Variants in PRKCE observed in about 807,000 individuals in gnomAD.
The protein encoded by PRKCE is protein kinase C epsilon.
In PRKCE, 16 loss-of-function variants were observed where a neutral mutation model predicts 85.4. The ratio of observed to expected loss-of-function variants is 0.19; its 90% CI spans 0.13 to 0.28. The LOEUF (loss-of-function observed/expected upper bound fraction) is 0.28. Ranked by LOEUF, PRKCE falls within the 10% of genes least tolerant of loss-of-function variation. PRKCE has a pLI of 1.00. For synonymous variants in PRKCE, 388 were observed against 371.5 expected, an observed-to-expected ratio of 1.04 and a Z score of -0.51; for missense variants, 573 against 975.2, an observed-to-expected ratio of 0.59 and a Z score of 5.49.
At chr2:46,122,655 GAAT>G (rs1673423143) in intron 11 of PRKCE, among the ~76,000 whole-genome samples, 1 of 152,124 alleles carries the variant, frequency 6.6e-6, no homozygotes, top group African/African-American at 2.4e-5. Context: ...CTTTTATGAA[GAAT>G]AATAATTATT....
At chr2:45,885,700 C>T (rs977483428) in intron 2 of PRKCE, among the ~76,000 whole-genome samples, 3 of 152,120 alleles carry the variant, frequency 2.0e-5, no homozygotes, top group African/African-American at 7.2e-5. Context: ...AACACTTCAT[C>T]CTAAAGTGAA....
At chr2:46,056,645 A>G (rs1468827655) in intron 10 of PRKCE, among the ~76,000 whole-genome samples, 1 of 152,186 alleles carries the variant, frequency 6.6e-6, no homozygotes, top group Non-Finnish European at 1.5e-5. Context: ...CTGCCTCATG[A>G]GTAATTATTT....
At chr2:45,894,854 T>C (rs541473185) in intron 2 of PRKCE, among the ~76,000 whole-genome samples, 2 of 152,196 alleles carry the variant, frequency 1.3e-5, no homozygotes, top group Non-Finnish European at 2.9e-5. Context: ...TCCCGAGTAG[T>C]TGGGATTACA....
intron 2 of PRKCE, among the ~76,000 whole-genome samples, chr2:45,921,331 A>T (rs1315505912): frequency 1.3e-5 from 2 of 152,170 alleles, no homozygotes; most frequent in African/African-American, 4.8e-5. Context: ...AGATGATAGG[A>T]AATATAAATT....
At chr2:45,955,064 A>C (rs980715771) in intron 2 of PRKCE, among the ~76,000 whole-genome samples, 17 of 151,674 alleles carry the variant, frequency 1.1e-4, no homozygotes, top group Non-Finnish European at 1.9e-4. Context: ...AAACAATATG[A>C]ACACTCCATC....
At chr2:45,739,384 G>A (rs1682356706) in intron 1 of PRKCE, among the ~76,000 whole-genome samples, 1 of 152,100 alleles carries the variant, frequency 6.6e-6, no homozygotes. Context: ...TTTGAGTTTA[G>A]GGGCAGCTGT....
intron 6 of PRKCE, among the ~76,000 whole-genome samples, chr2:45,985,222 A>G (rs1464229207): frequency 2.0e-5 from 3 of 152,144 alleles, no homozygotes; most frequent in African/African-American, 7.2e-5. Context: ...ACTTGCTCAC[A>G]TCACACAATT....
At chr2:45,873,642 C>T (rs1436304314) in intron 2 of PRKCE, among the ~76,000 whole-genome samples, 1 of 152,188 alleles carries the variant, frequency 6.6e-6, no homozygotes, top group African/African-American at 2.4e-5. Flanking sequence ...ATGAAGTCAG[C>T]AGTTTACCTT....
chr2:45,862,157 A>C (rs1323142905), intron 2 of PRKCE, among the ~76,000 whole-genome samples: 7 of 147,374 alleles, frequency 4.7e-5, no homozygotes, highest in African/African-American at 1.8e-4. Context: ...CTACCCCGCC[A>C]CCCTAGTGTA....
chr2:46,021,754 C>G (rs992318390), intron 10 of PRKCE, among the ~76,000 whole-genome samples: 4 of 152,168 alleles, frequency 2.6e-5, no homozygotes, highest in African/African-American at 9.7e-5. Context: ...CCAAACAAAG[C>G]CAGTTTCCTC....
Position 45,905,270 on chromosome 2 carries a change from A to T in PRKCE, c.412+62207A>T, listed in dbSNP as rs1696887551. Among the ~76,000 whole-genome samples the T allele has an allele frequency of 6.6e-6, 1 of 152,200 alleles. No homozygotes were observed. Among genetic ancestry groups the T allele is most frequent in the African/African-American group, 2.4e-5 (1 of 41,450 alleles). On this transcript the variant is annotated intron_variant, in intron 2 of 14. Coordinates refer to ENST00000306156, the MANE Select transcript of PRKCE (RefSeq NM_005400.3). This position sits in a 1 kb window ranked among gnomAD's most constrained non-coding sequence, Gnocchi z 4.4. The stretch of plus-strand genomic sequence containing the variant: ...ATAGCCCACGCTAACCCAGTTTTGG[A>T]ATCTGGTAGTGGGAAAACAGGGAAG...
chr2:46,077,360 A>G (rs1668654473), intron 10 of PRKCE, among the ~76,000 whole-genome samples: 1 of 152,190 alleles, frequency 6.6e-6, no homozygotes, highest in South Asian at 2.1e-4. Context: ...CTGTATGTCA[A>G]CCAGACCTCA....
chr2:45,806,118 C>T (rs1204826390), intron 1 of PRKCE, among the ~76,000 whole-genome samples: 2 of 152,148 alleles, frequency 1.3e-5, no homozygotes, highest in Non-Finnish European at 2.9e-5. Flanking sequence ...GGAGGGGATA[C>T]TGGGGCGCTC....
intron 1 of PRKCE, among the ~76,000 whole-genome samples, chr2:45,769,259 CTG>C (rs764214411): frequency 2.2e-4 from 33 of 152,184 alleles, no homozygotes; most frequent in Non-Finnish European, 4.4e-5. Context: ...GCCTTCAAAA[CTG>C]TGAGTCAAGC....
intron 11 of PRKCE, among the ~76,000 whole-genome samples, chr2:46,141,155 C>CT (rs112465379): frequency 0.089 from 13,470 of 152,102 alleles, 1,905 homozygotes; most frequent in African/African-American, 0.3. Context: ...TGTATAGTTA[C>CT]CCTCACATAT....
chr2:46,054,263 A>T (rs1444342936), intron 10 of PRKCE, among the ~76,000 whole-genome samples: 1 of 152,212 alleles, frequency 6.6e-6, no homozygotes, highest in Non-Finnish European at 1.5e-5. Flanking sequence ...AGCTAGTGAG[A>T]TGGGCAGTGT....
chr2:46,049,677 G>T (rs1161048583), intron 10 of PRKCE, among the ~76,000 whole-genome samples: 1 of 152,094 alleles, frequency 6.6e-6, no homozygotes, highest in Non-Finnish European at 1.5e-5. Flanking sequence ...GTCACCAGAG[G>T]GGCTTCCCTC....
intron 6 of PRKCE, among the ~76,000 whole-genome samples, chr2:45,999,349 G>A (rs1293472606): frequency 6.6e-6 from 1 of 152,102 alleles, no homozygotes; most frequent in African/African-American, 2.4e-5. Context: ...TAATATTGCA[G>A]GGTAGAGAAT....
chr2:45,982,578 C>T (rs1386331560), intron 5 of PRKCE, among the ~76,000 whole-genome samples: 1 of 152,130 alleles, frequency 6.6e-6, no homozygotes, highest in African/African-American at 2.4e-5. Context: ...ACAATTCTTT[C>T]TGCCATTGTC....
Sources: allele counts gnomAD v4.1 joint callset (sites outside exome capture counted in the v4.1 genomes callset), GRCh38; gene constraint gnomAD v4.1.1; non-coding constraint Gnocchi (gnomAD v3.1); transcripts MANE v1.5; gene names NCBI Gene and HGNC (gene_info 2026-07-23, HGNC 2026-07-21).